The following SRGAP2B variants were observed in gnomAD, a reference collection of about 807,000 sequenced individuals.
SRGAP2B encodes the protein SLIT-ROBO Rho GTPase activating protein 2B.
SRGAP2B carries 9 observed loss-of-function variants against 22.2 expected under a neutral mutation model. That is an observed-to-expected ratio of 0.41 (90% CI 0.24 to 0.71). The LOEUF is 0.71. SRGAP2B is among the 30% of genes least tolerant of loss of function. The pLI is 0.35. For synonymous variants in SRGAP2B, 36 were observed against 87.4 expected (o/e 0.41, Z 3.28); for missense variants, 114 against 235.8 (o/e 0.48, Z 3.38).
chr1:145,011,505 C>T (rs1310697423), intron 2 of SRGAP2B, among the ~76,000 whole-genome samples: 1 of 150,900 alleles, frequency 6.6e-6, no homozygotes, highest in East Asian at 1.9e-4. Context: ...TAGAACTTAA[C>T]ATGCCTGAAC....
intron 3 of SRGAP2B, 149 bp downstream of exon 3, chr1:144,994,859 C>A (rs1227572233): frequency 8.5e-6 from 5 of 586,430 alleles, no homozygotes; most frequent in Non-Finnish European, 1.4e-5. Flanking sequence ...TAAGACTGAT[C>A]TGGAAAATGA....
chr1:145,000,735 G>A, intron 2 of SRGAP2B, among the ~76,000 whole-genome samples: 1 of 130,622 alleles, frequency 7.7e-6, no homozygotes, highest in Middle Eastern at 3.7e-3. Context: ...CATTTCTAAG[G>A]AGAAAATGGG....
At chr1:144,889,100 G>C (rs1171026618) in exon 10 of SRGAP2B, 8 of 141,278 alleles carry the variant, frequency 5.7e-5, no homozygotes, top group African/African-American at 2.0e-4. Flanking sequence ...GATTACAGGC[G>C]CCTGCCACCA....
chr1:144,934,307 G>A (rs1376844504), intron 4 of SRGAP2B, among the ~76,000 whole-genome samples: 1 of 147,876 alleles, frequency 6.8e-6, no homozygotes, highest in Non-Finnish European at 1.5e-5. Context: ...GGGAGGCTGA[G>A]GCAAGAGAAT....
rs1668181519 is a variant in SRGAP2B at position 144,967,561 on chromosome 1, C to T, written c.261-11960G>A. Reference sequence around the variant, plus strand: ...GCAGGAAAGATCCAAAATTGACACCCTAACATCAAAATTAAAAGAACTAGA... The same window carrying T: ...GCAGGAAAGATCCAAAATTGACACCTTAACATCAAAATTAAAAGAACTAGA... On this transcript the variant is annotated intron_variant, in intron 3 of 9. Transcript: ENST00000612199. Among the ~76,000 whole-genome samples the T allele has an allele frequency of 3.4e-5, 5 of 148,238 alleles. No homozygotes were observed. The South Asian group carries it at 8.5e-4, about 25-fold the overall frequency.
At chr1:144,964,966 G>A (rs1432682754) in intron 3 of SRGAP2B, 49 of 1,406,646 alleles carry the variant, frequency 3.5e-5, no homozygotes, top group African/African-American at 7.3e-5. Context: ...ACAGAGCCGC[G>A]CCGCCTGCAC....
intron 1 of SRGAP2B, among the ~76,000 whole-genome samples, chr1:145,094,086 C>A (rs1414015834): frequency 5.2e-5 from 6 of 115,966 alleles, no homozygotes; most frequent in Non-Finnish European, 1.0e-4. Context: ...GGGCGGCGAG[C>A]GGAAGGCAGC....
intron 2 of SRGAP2B, among the ~76,000 whole-genome samples, chr1:145,007,724 T>C (rs1239667451): frequency 6.6e-6 from 1 of 150,856 alleles, no homozygotes; most frequent in Non-Finnish European, 1.5e-5. Context: ...TCACAGAGTT[T>C]TTATGAGTTA....
intron 2 of SRGAP2B, among the ~76,000 whole-genome samples, chr1:145,083,807 G>A (rs1553635040): frequency 5.2e-5 from 2 of 38,324 alleles, no homozygotes; most frequent in East Asian, 6.0e-4. Flanking sequence ...CCAACTGAGG[G>A]CTGGTTCCAG....
At chr1:145,010,318 C>A in intron 2 of SRGAP2B, among the ~76,000 whole-genome samples, 8 of 96,450 alleles carry the variant, frequency 8.3e-5, no homozygotes, top group Admixed American at 1.1e-4. Flanking sequence ...AGAAAATTGC[C>A]AAGGCAAAAA....
At chr1:144,971,243 G>T (rs1428877174) in intron 3 of SRGAP2B, among the ~76,000 whole-genome samples, 1 of 147,928 alleles carries the variant, frequency 6.8e-6, no homozygotes, top group African/African-American at 2.6e-5. Context: ...CGATTCTCCT[G>T]CCTCAGCCTC....
In SRGAP2B at chr1:145,016,926, G is replaced by A. The variant is rs587616100; in HGVS notation, c.68-21726C>T. Among the ~76,000 whole-genome samples the A allele has an allele frequency of 1.2e-4, 18 of 144,368 alleles. No homozygotes were observed. In the South Asian group the frequency reaches 4.0e-3, roughly 32 times the overall value. 94.7% of individuals were successfully genotyped at this position (144,368 alleles called of 152,430 possible). A position where few individuals can be genotyped will look rare whatever the true frequency, so the allele number is the denominator to read the frequency against. ...TGCAGTGGTGCGATCTCTGCTCACC[G>A]CAAGCACCGCCTCCCGGGTTCAAGT... On this transcript the variant is annotated intron_variant, in intron 2 of 9. Coordinates refer to ENST00000612199, the Ensembl canonical transcript of SRGAP2B.
chr1:145,086,659 G>C (rs1653458602), intron 2 of SRGAP2B, among the ~76,000 whole-genome samples: 1 of 64,520 alleles, frequency 1.5e-5, no homozygotes. Context: ...TCCAGCCTGG[G>C]TGACAGAGTG....
Position 144,951,112 on chromosome 1 carries a change from C to T in SRGAP2B, c.423+4327G>A, listed in dbSNP as rs587684093. ...ATCTGCCCACCTTGGCCTCCCAAAG[C>T]GCTGCGATTACAGGCGTGAGCCACC... is the stretch of plus-strand genomic sequence containing the variant. On this transcript the variant is annotated intron_variant, in intron 4 of 9. Transcript: ENST00000612199. Among the ~76,000 whole-genome samples the T allele has an allele frequency of 6.6e-5, 10 of 150,906 alleles. No individual in the cohort carries two copies. The South Asian group carries it at 1.0e-3, about 16-fold the overall frequency.
At chr1:145,012,500 T>A (rs1672130056) in intron 2 of SRGAP2B, among the ~76,000 whole-genome samples, 2 of 125,376 alleles carry the variant, frequency 1.6e-5, no homozygotes, top group Middle Eastern at 3.6e-3. Context: ...TCTGCTATAT[T>A]TTGACAAGTG....
chr1:144,942,778 T>C (rs868962476), intron 4 of SRGAP2B, among the ~76,000 whole-genome samples: 1 of 151,806 alleles, frequency 6.6e-6, no homozygotes, highest in Non-Finnish European at 1.5e-5. Flanking sequence ...AAGTAACTTG[T>C]CTAAAATTAT....
intron 5 of SRGAP2B, among the ~76,000 whole-genome samples, chr1:144,908,796 A>T: frequency 7.3e-6 from 1 of 136,986 alleles, no homozygotes; most frequent in South Asian, 2.3e-4. Flanking sequence ...ATATCTATGT[A>T]CATATACATA....
At chr1:144,964,905 G>C in intron 3 of SRGAP2B, 1 of 663,486 alleles carries the variant, frequency 1.5e-6, no homozygotes. Context: ...GGGTAACATA[G>C]GACCTGTCTC....
intron 2 of SRGAP2B, among the ~76,000 whole-genome samples, chr1:145,008,883 AC>A (rs1372099552): frequency 6.7e-6 from 1 of 149,432 alleles, no homozygotes; most frequent in African/African-American, 2.5e-5. Flanking sequence ...AAAAAAAAAA[AC>A]AGTCCAGCTG....
Sources: gnomAD v4.1 joint callset for allele counts (sites outside exome capture counted in the v4.1 genomes callset) on GRCh38, gnomAD v4.1.1 for gene constraint, MANE v1.5 for transcripts, NCBI Gene and HGNC (gene_info 2026-07-23, HGNC 2026-07-21) for gene names.